The following EDN1 variants were observed in gnomAD, a reference collection of about 807,000 sequenced individuals.
EDN1 encodes the protein endothelin 1.
Under a neutral mutation model 21.7 loss-of-function variants are expected in EDN1, and 11 were observed. The ratio of observed to expected loss-of-function variants is 0.51; its 90% CI spans 0.32 to 0.84. EDN1 has a LOEUF of 0.84. Ranked by LOEUF, EDN1 falls within the 40% of genes least tolerant of loss-of-function variation. The pLI, the probability that EDN1 is intolerant of heterozygous loss-of-function variation, is 0.03. For synonymous variants in EDN1, 85 were observed against 90.6 expected (o/e 0.94, Z 0.35); for missense variants, 244 against 262.3 (o/e 0.93, Z 0.48).
At chr6:12,251,223 T>A in the EDN1 span, among the ~76,000 whole-genome samples, 7 of 152,212 alleles carry the variant, frequency 4.6e-5, no homozygotes, top group African/African-American at 1.4e-4. Context: ...TAATAAGTTA[T>A]TTTACTGTTT....
chr6:12,292,197 C>CT (rs1206646924), intron 1 of EDN1, 144 bp from the exon 2 acceptor site: 10 of 1,224,530 alleles, frequency 8.2e-6, no homozygotes, highest in East Asian at 2.3e-5. Flanking sequence ...ATAAAGAGCC[C>CT]TTTTTTCTGT....
chr6:12,271,979 C>T, the EDN1 span, among the ~76,000 whole-genome samples: 23 of 152,160 alleles, frequency 1.5e-4, no homozygotes, highest in South Asian at 1.5e-3. Flanking sequence ...TCTCAAAAAG[C>T]CCCCAAATCC....
At position 12,294,920 on chromosome 6, in the gene EDN1, CTTT is replaced by C. The variant is rs61701314; in HGVS notation, c.533+534_533+536del. Among the ~76,000 whole-genome samples, 838 of 107,630 alleles carry C rather than the reference CTTT, an allele frequency of 7.8e-3. 12 individuals carry two copies. The highest frequency in any genetic ancestry group is 0.026 in the African/African-American group (735 of 28,212). 70.6% of individuals were successfully genotyped at this position (107,630 alleles called of 152,430 possible). A position where few individuals can be genotyped will look rare whatever the true frequency, so the allele number is the denominator to read the frequency against. On this transcript the variant is annotated intron_variant, in intron 4 of 4. Coordinates refer to ENST00000379375, the MANE Select transcript of EDN1 (RefSeq NM_001955.5). The stretch of plus-strand genomic sequence containing the variant: ...ACATGCTGTTTTTCAGGTTTATGGT[CTTT>C]TTTTTTTTTTTTTTTTTAAATAGGG...
chr6:12,234,906 C>G, the EDN1 span, among the ~76,000 whole-genome samples: 1 of 152,200 alleles, frequency 6.6e-6, no homozygotes, highest in Admixed American at 6.5e-5. Context: ...CATGAAGAAA[C>G]AAAACCAGAA....
At chr6:12,260,789 G>C in the EDN1 span, among the ~76,000 whole-genome samples, 1 of 151,880 alleles carries the variant, frequency 6.6e-6, no homozygotes. Context: ...AGGTGTGTTA[G>C]CAAATTATCT....
At chr6:12,287,836 G>A (rs1415193602), upstream of EDN1, among the ~76,000 whole-genome samples, 1 of 151,928 alleles carries the variant, frequency 6.6e-6, no homozygotes, top group African/African-American at 2.4e-5. Flanking sequence ...TTGGCACGGT[G>A]GGGCCCTTCC....
In EDN1 at chr6:12,290,539, C is replaced by A; in HGVS notation, c.-91C>A. The A allele has an allele frequency of 9.4e-7, 1 of 1,060,646 alleles. No individual in the cohort carries two copies. The highest frequency in any genetic ancestry group is 1.6e-5 in the African/African-American group (1 of 64,430). The allele number at this position is 1,060,646 out of a possible 1,614,324, so 65.7% of individuals were successfully genotyped here. A position where few individuals can be genotyped will look rare whatever the true frequency, so the allele number is the denominator to read the frequency against. On this transcript the variant is annotated 5_prime_UTR_variant, in exon 1 of 5. Transcript: ENST00000379375. ...AAGGATCGCTTTGAGATCTGAGGAA[C>A]CCGCAGCGCTTTGAGGGACCTGAAG...
At chr6:12,231,387 TGAAAAGCAATG>T in the EDN1 span, among the ~76,000 whole-genome samples, 7 of 152,224 alleles carry the variant, frequency 4.6e-5, no homozygotes, top group African/African-American at 1.7e-4. Flanking sequence ...GAAACAAATT[TGAAAAGCAATG>T]GAAAAGGAAA....
In EDN1 at chr6:12,296,120, C is replaced by A; in HGVS notation, c.*53C>A. Reference sequence around the variant, plus strand: ...TAGCCTCCACGGAGAGCCCTGTGGCCGACTCTGCACTCTCCACCCTGGCTG... The same window carrying A: ...TAGCCTCCACGGAGAGCCCTGTGGCAGACTCTGCACTCTCCACCCTGGCTG... On this transcript the variant is annotated 3_prime_UTR_variant, in exon 5 of 5. Transcript: ENST00000379375. 6.8e-7 allele frequency: 1 copy of A among 1,469,956 alleles called. No individual in the cohort carries two copies. The highest frequency in any genetic ancestry group is 9.5e-7 in the Non-Finnish European group (1 of 1,049,546). 91.1% of individuals were successfully genotyped at this position (1,469,956 alleles called of 1,614,324 possible).
At chr6:12,233,881 G>A in the EDN1 span, among the ~76,000 whole-genome samples, 4 of 152,180 alleles carry the variant, frequency 2.6e-5, no homozygotes, top group Non-Finnish European at 5.9e-5. Context: ...GAGTAATACA[G>A]AAATTGGAGG....
the EDN1 span, among the ~76,000 whole-genome samples, chr6:12,268,061 T>C: frequency 6.6e-6 from 1 of 152,224 alleles, no homozygotes; most frequent in Non-Finnish European, 1.5e-5. Context: ...TAAATGGCTT[T>C]CAAAATACTA....
At chr6:12,272,838 C>T in the EDN1 span, among the ~76,000 whole-genome samples, 9 of 152,250 alleles carry the variant, frequency 5.9e-5, no homozygotes, top group Admixed American at 3.3e-4. Flanking sequence ...GAAGATACTC[C>T]AAAAACTCAA....
At chr6:12,237,569 G>C in the EDN1 span, among the ~76,000 whole-genome samples, 1 of 152,116 alleles carries the variant, frequency 6.6e-6, no homozygotes, top group African/African-American at 2.4e-5. Context: ...CTTTGCTCTG[G>C]AATGAGAGAG....
At chr6:12,269,655 C>A in the EDN1 span, among the ~76,000 whole-genome samples, 93 of 152,170 alleles carry the variant, frequency 6.1e-4, 1 homozygote, top group South Asian at 0.019. Context: ...TGAAATAAAT[C>A]TCACATAATC....
chr6:12,273,536 AT>A, the EDN1 span, among the ~76,000 whole-genome samples: 21 of 147,750 alleles, frequency 1.4e-4, no homozygotes, highest in East Asian at 7.9e-4. Context: ...AAATTCAGCA[AT>A]TTTTTTTTCC....
the EDN1 span, among the ~76,000 whole-genome samples, chr6:12,256,060 G>A: frequency 6.6e-6 from 1 of 152,138 alleles, no homozygotes; most frequent in Non-Finnish European, 1.5e-5. Context: ...GAAACAAGAC[G>A]GCTTGGCCAG....
At chr6:12,233,819 C>T in the EDN1 span, among the ~76,000 whole-genome samples, 10 of 152,232 alleles carry the variant, frequency 6.6e-5, no homozygotes, top group Admixed American at 6.5e-4. Context: ...CAAGAACACC[C>T]TTCTTCCGCT....
chr6:12,247,999 T>C, the EDN1 span, among the ~76,000 whole-genome samples: 3 of 152,074 alleles, frequency 2.0e-5, no homozygotes, highest in African/African-American at 7.2e-5. Flanking sequence ...CCAATGAGGC[T>C]GGTGTCCTTA....
chr6:12,278,619 T>A, the EDN1 span, among the ~76,000 whole-genome samples: 3 of 152,298 alleles, frequency 2.0e-5, no homozygotes, highest in East Asian at 5.8e-4. Context: ...GGGCCAGGCA[T>A]GGTGGCTCAT....
Sources: gnomAD v4.1 joint callset for allele counts (sites outside exome capture counted in the v4.1 genomes callset) on GRCh38, gnomAD v4.1.1 for gene constraint, MANE v1.5 for transcripts, NCBI Gene and HGNC (gene_info 2026-07-23, HGNC 2026-07-21) for gene names.